BCAP31: variants seen among roughly 807,000 people sequenced by gnomAD.
BCAP31 encodes the protein B-cell receptor-associated protein 31.
For missense variants in BCAP31, 124 were observed against 193.0 expected (o/e 0.64, Z 2.12); for synonymous variants, 75 against 80.9 (o/e 0.93, Z 0.39).
intron 4 of BCAP31, among the ~76,000 whole-genome samples, chrX:153,714,896 T>C (rs1274029999): frequency 1.8e-5 from 2 of 111,553 alleles, no homozygotes; most frequent in Non-Finnish European, 3.8e-5. Context: ...CAGGCCCTGC[T>C]GATCAGAACG....
intron 6 of BCAP31, 55 bp downstream of exon 6, chrX:153,702,880 C>T: frequency 8.4e-7 from 1 of 1,194,088 alleles, no homozygotes; most frequent in Non-Finnish European, 1.1e-6. Context: ...CAGCAGCGGG[C>T]AGAGGAGGCT....
At chrX:153,722,267 C>T (rs964190054) in intron 2 of BCAP31, among the ~76,000 whole-genome samples, 2 of 112,016 alleles carry the variant, frequency 1.8e-5, no homozygotes, top group African/African-American at 6.5e-5. Flanking sequence ...TGTTTGAATC[C>T]GGACCCAACA....
intron 3 of BCAP31, among the ~76,000 whole-genome samples, chrX:153,718,785 G>A (rs781829664): frequency 2.4e-4 from 27 of 111,627 alleles, no homozygotes; most frequent in Admixed American, 1.3e-3. Flanking sequence ...ATGGGGGACT[G>A]AGCAATACTA....
chrX:153,707,900 C>T (rs782735354), intron 4 of BCAP31, among the ~76,000 whole-genome samples: 1 of 113,357 alleles, frequency 8.8e-6, no homozygotes, highest in African/African-American at 3.2e-5. Flanking sequence ...TTCCCAGGCC[C>T]CCAGGACAGG....
At position 153,703,939 on chromosome X, in the gene BCAP31, G is replaced by T. The variant is rs781863319; in HGVS notation, c.477+20C>A. On this transcript the variant is annotated intron_variant, in intron 5 of 7. Coordinates refer to ENST00000345046, the MANE Select transcript of BCAP31 (RefSeq NM_001256447.2). ...TGTAACACCAGGACGCCCCATGGTG[G>T]GTCGGGAAGCTGGGCTCACCTTCTT... 8.3e-6 allele frequency: 10 copies of T among 1,208,487 alleles called. No individual in the cohort carries two copies. The highest frequency in any genetic ancestry group is 1.1e-5 in the Non-Finnish European group (10 of 893,242).
intron 4 of BCAP31, among the ~76,000 whole-genome samples, chrX:153,704,415 G>T (rs1229021601): frequency 8.9e-6 from 1 of 112,165 alleles, no homozygotes; most frequent in Non-Finnish European, 1.9e-5. Context: ...GGGCCTAGAC[G>T]TGCCAGACAA....
At chrX:153,713,282 G>A (rs1557049485) in intron 4 of BCAP31, among the ~76,000 whole-genome samples, 1 of 111,434 alleles carries the variant, frequency 9.0e-6, no homozygotes, top group Admixed American at 9.5e-5. Flanking sequence ...AGCCACTCAT[G>A]TGGGTTAGGA....
rs438068 is a variant in BCAP31, at chrX:153,700,869, G to A, written c.*68C>T. ...AACAGAAGTACTGGAGGGAGAGGCC[G>A]GGCTCTCAGGAAGCAGCAGGCACGT... On this transcript the variant is annotated 3_prime_UTR_variant, in exon 8 of 8. Coordinates refer to ENST00000345046, the MANE Select transcript of BCAP31 (RefSeq NM_001256447.2). 5.2e-3 allele frequency: 5,592 copies of A among 1,075,698 alleles called. 10 individuals carry two copies. Among genetic ancestry groups the A allele is most frequent in the Non-Finnish European group, 6.5e-3 (5,096 of 781,264 alleles). 88.6% of individuals were successfully genotyped at this position (1,075,698 alleles called of 1,213,427 possible). A position where few individuals can be genotyped will look rare whatever the true frequency, so the allele number is the denominator to read the frequency against.
intron 4 of BCAP31, among the ~76,000 whole-genome samples, chrX:153,710,214 T>C (rs1376244638): frequency 1.8e-5 from 2 of 111,145 alleles, no homozygotes; most frequent in Non-Finnish European, 3.8e-5. Flanking sequence ...ATCCATGTGA[T>C]AGCGAGCCAC....
intron 5 of BCAP31, among the ~76,000 whole-genome samples, 198 bp downstream of exon 5, chrX:153,703,761 G>A (rs782014865): frequency 1.1e-3 from 124 of 112,215 alleles, no homozygotes; most frequent in African/African-American, 3.7e-3. Flanking sequence ...CTCCTCACCC[G>A]GACCCTCACA....
At chrX:153,705,745 G>T (rs1432134508) in intron 4 of BCAP31, among the ~76,000 whole-genome samples, 1 of 112,088 alleles carries the variant, frequency 8.9e-6, no homozygotes, top group Non-Finnish European at 1.9e-5. Context: ...GGATCCCAGT[G>T]ATGTAGAAAG....
chrX:153,708,538 C>T (rs1438004133), intron 4 of BCAP31, among the ~76,000 whole-genome samples: 1 of 113,076 alleles, frequency 8.8e-6, no homozygotes, highest in Admixed American at 9.3e-5. Flanking sequence ...GGCAGAAAGC[C>T]GGTGTCCCAG....
At chrX:153,701,385 C>T (rs10284170) in intron 7 of BCAP31, among the ~76,000 whole-genome samples, 5,488 of 112,790 alleles carry the variant, frequency 0.049, 313 homozygotes, top group African/African-American at 0.17. Flanking sequence ...TGAGGCTGGA[C>T]CCTTCCTCCC....
intron 4 of BCAP31, chrX:153,705,013 AAG>A (rs1290645842): frequency 6.3e-5 from 7 of 111,647 alleles, no homozygotes; most frequent in Non-Finnish European, 1.3e-4. Context: ...AGCTGGCAGG[AAG>A]AGAGGAGGGA....
At chrX:153,715,437 G>A in intron 4 of BCAP31, 105 bp downstream of exon 4, 1 of 1,075,114 alleles carries the variant, frequency 9.3e-7, no homozygotes, top group Admixed American at 2.3e-5. Context: ...CACAGACTGA[G>A]GAGGAATCAA....
rs374519563 is a variant in BCAP31 at position 153,716,039 on chromosome X, G to A, written c.194-350C>T. On this transcript the variant is annotated intron_variant, in intron 3 of 7. Coordinates refer to ENST00000345046, the MANE Select transcript of BCAP31 (RefSeq NM_001256447.2). ...AATTTAGCCCGGCGTGGTGGTGGGC[G>A]CCTGTAATCCCAGCTACTCGGGAGG... Among the ~76,000 whole-genome samples the A allele has an allele frequency of 1.4e-4, 15 of 109,364 alleles. No homozygotes were observed. The East Asian group carries it at 4.0e-3, about 29-fold the overall frequency. 95.0% of individuals were successfully genotyped at this position (109,364 alleles called of 115,157 possible).
At chrX:153,712,019 G>A (rs1557049254) in intron 4 of BCAP31, among the ~76,000 whole-genome samples, 1 of 111,753 alleles carries the variant, frequency 8.9e-6, no homozygotes, top group East Asian at 2.8e-4. Context: ...AGGATCAGGA[G>A]GCCCAAAGAA....
chrX:153,721,404 C>T (rs1260513589), intron 2 of BCAP31, among the ~76,000 whole-genome samples: 5 of 101,631 alleles, frequency 4.9e-5, no homozygotes, highest in Non-Finnish European at 1.0e-4. Context: ...CCACTGCACT[C>T]CAGCCTGGGT....
At chrX:153,712,194 G>C (rs1158071942) in intron 4 of BCAP31, among the ~76,000 whole-genome samples, 41 of 110,837 alleles carry the variant, frequency 3.7e-4, no homozygotes, top group African/African-American at 1.1e-3. Flanking sequence ...GGATGAGGTG[G>C]GAGGATTTCT....
Sources: allele counts gnomAD v4.1 joint callset (sites outside exome capture counted in the v4.1 genomes callset), GRCh38; gene constraint gnomAD v4.1.1; transcripts MANE v1.5; gene names NCBI Gene and HGNC (gene_info 2026-07-23, HGNC 2026-07-21).